The following CCDC146 variants were observed in gnomAD, a reference collection of about 807,000 sequenced individuals.
CCDC146 encodes coiled-coil domain-containing protein 146.
CCDC146 carries 92 observed loss-of-function variants against 119.3 expected under a neutral mutation model. The ratio of observed to expected loss-of-function variants is 0.77; its 90% CI spans 0.65 to 0.92. CCDC146 has a LOEUF of 0.92. Among genes scored for constraint, CCDC146 ranks in the 40% least tolerant of loss-of-function variants. The pLI is 0.00. For missense variants in CCDC146, 1,000 were observed against 1,103.0 expected (o/e 0.91, Z 1.32); for synonymous variants, 372 against 371.8 (o/e 1.00, Z -0.01).
At chr7:77,163,567 G>C (rs1358982892) in intron 1 of CCDC146, among the ~76,000 whole-genome samples, 2 of 152,154 alleles carry the variant, frequency 1.3e-5, no homozygotes, top group Middle Eastern at 3.2e-3. Context: ...AGGAAATTGA[G>C]TAACCTATGG....
At chr7:77,180,101 C>T (rs972116079) in intron 2 of CCDC146, among the ~76,000 whole-genome samples, 5 of 151,538 alleles carry the variant, frequency 3.3e-5, no homozygotes, top group African/African-American at 1.2e-4. Flanking sequence ...TATATATGCA[C>T]CCATATGTAT....
intron 1 of CCDC146, among the ~76,000 whole-genome samples, chr7:77,141,790 G>A (rs2117418822): frequency 6.6e-6 from 1 of 152,186 alleles, no homozygotes; most frequent in African/African-American, 2.4e-5. Context: ...ATTTGTTTAA[G>A]TTCCTTGTAG....
intron 1 of CCDC146, among the ~76,000 whole-genome samples, chr7:77,164,204 C>G (rs1791307332): frequency 1.3e-5 from 2 of 151,832 alleles, no homozygotes; most frequent in Non-Finnish European, 2.9e-5. Context: ...AAGATATAGC[C>G]TAATGTTCTG....
Position 77,259,057 on chromosome 7 carries a change from A to G in CCDC146, c.747A>G (p.Thr249=). The stretch of plus-strand genomic sequence containing the variant: ...TTGGAAAAGAGATAGAAAAAATAAC[A>G]CGCAAAAAAGTGTATGATTTAATAT... ...VQIGKEIEKI[T]RKKVEMEKKK... Residue 249 remains threonine (T), a synonymous_variant, in exon 7 of 19, where the codon ACA becomes ACG. Coordinates refer to ENST00000285871, the MANE Select transcript of CCDC146 (RefSeq NM_020879.3). 1.2e-6 allele frequency: 2 copies of G among 1,604,324 alleles called. No homozygotes were observed. Among genetic ancestry groups the G allele is most frequent in the Non-Finnish European group, 1.7e-6 (2 of 1,171,934 alleles).
At chr7:77,289,340 C>T (rs1341085327) in intron 17 of CCDC146, among the ~76,000 whole-genome samples, 3 of 152,162 alleles carry the variant, frequency 2.0e-5, no homozygotes, top group Non-Finnish European at 4.4e-5. Context: ...AGGAAAGCTC[C>T]AGCACAGCCG....
At chr7:77,273,939 T>C in intron 10 of CCDC146, 150 bp downstream of exon 10, 1 of 469,680 alleles carries the variant, frequency 2.1e-6, no homozygotes, top group East Asian at 3.2e-5. Context: ...CATCTCAAAG[T>C]CCACTCCAAT....
chr7:77,287,469 G>C lies in CCDC146; in HGVS notation c.2307G>C (p.Glu769Asp), dbSNP rs1187091866. ...KLELQLAKKEEKLLEKDFIYE... is the reference protein window; with the variant it reads ...KLELQLAKKEDKLLEKDFIYE... ...AACTACAACTGGCCAAGAAGGAGGAGAAGCTGCTGGAGAAGGATTTCATCT... is the reference window on the plus strand; with the variant it reads ...AACTACAACTGGCCAAGAAGGAGGACAAGCTGCTGGAGAAGGATTTCATCT... Residue 769 changes from glutamate (E) to aspartate (D), a missense_variant, in exon 17 of 19, where the codon GAG becomes GAC. Physicochemically the swap from Glu to Asp is conservative, Grantham distance 45 (BLOSUM62 2). Around this residue, in one of 2 missense-constraint regions of CCDC146, gnomAD observed 985 missense variants for 1,045.3 expected, o/e 0.94. Transcript: ENST00000285871. 6.2e-7 allele frequency: 1 copy of C among 1,614,088 alleles called. No individual in the cohort carries two copies. Among genetic ancestry groups the C allele is most frequent in the South Asian group, 1.1e-5 (1 of 91,078 alleles).
chr7:77,150,435 G>T (rs1047590272), intron 1 of CCDC146, among the ~76,000 whole-genome samples: 3 of 152,024 alleles, frequency 2.0e-5, no homozygotes, highest in African/African-American at 4.8e-5. Context: ...TATATAAATG[G>T]CAAAAAGAAG....
At chr7:77,179,803 C>T (rs1791555244) in intron 2 of CCDC146, among the ~76,000 whole-genome samples, 1 of 152,162 alleles carries the variant, frequency 6.6e-6, no homozygotes, top group African/African-American at 2.4e-5. Flanking sequence ...TTCAACTAAT[C>T]TCTAGAACTT....
intron 2 of CCDC146, among the ~76,000 whole-genome samples, chr7:77,187,375 A>G (rs563929595): frequency 4.9e-4 from 75 of 152,288 alleles, no homozygotes; most frequent in African/African-American, 1.7e-3. Context: ...CATTTAGCAC[A>G]AGTGACTCCA....
rs559827499 is a variant in CCDC146 at position 77,237,142 on chromosome 7, GC to G, written c.239+114del. 284 of 827,602 alleles carry G rather than the reference GC, an allele frequency of 3.4e-4. No individual in the cohort carries two copies. In the African/African-American group the frequency reaches 3.7e-3, roughly 11 times the overall value. 51.3% of individuals were successfully genotyped at this position (827,602 alleles called of 1,614,324 possible). ...TAAGCAGACCCTGAGGCAAGGATTT[GC>G]GTTCAGGGAGTTTGAGAAGTGGTAC... On this transcript the variant is annotated intron_variant, in intron 3 of 18. Transcript: ENST00000285871.
intron 2 of CCDC146, among the ~76,000 whole-genome samples, chr7:77,209,692 A>G (rs916797427): frequency 5.9e-5 from 9 of 152,208 alleles, no homozygotes; most frequent in African/African-American, 2.2e-4. Flanking sequence ...TTCTGCCTGG[A>G]CATCCGGGCA....
intron 1 of CCDC146, among the ~76,000 whole-genome samples, chr7:77,132,771 TAAAC>T (rs200247134): frequency 0.056 from 8,458 of 151,788 alleles, 315 homozygotes; most frequent in Non-Finnish European, 0.081. Flanking sequence ...AATAAATAAA[TAAAC>T]AAATAAAATT....
intron 4 of CCDC146, among the ~76,000 whole-genome samples, chr7:77,253,077 T>C (rs769096468): frequency 6.6e-6 from 1 of 152,236 alleles, no homozygotes; most frequent in African/African-American, 2.4e-5. Flanking sequence ...AATGACAGGA[T>C]AGAAGTGTAG....
intron 1 of CCDC146, among the ~76,000 whole-genome samples, chr7:77,163,631 C>T (rs1190715062): frequency 2.0e-5 from 3 of 152,014 alleles, no homozygotes; most frequent in Non-Finnish European, 4.4e-5. Flanking sequence ...AGATCTATCT[C>T]TGTATATTCC....
At chr7:77,142,941 G>T (rs1790958591) in intron 1 of CCDC146, among the ~76,000 whole-genome samples, 1 of 151,762 alleles carries the variant, frequency 6.6e-6, no homozygotes, top group Non-Finnish European at 1.5e-5. Context: ...GTAATGGGAT[G>T]GCTGGGTCAA....
At chr7:77,128,638 T>A (rs1790741097) in intron 1 of CCDC146, among the ~76,000 whole-genome samples, 1 of 151,572 alleles carries the variant, frequency 6.6e-6, no homozygotes, top group Non-Finnish European at 1.5e-5. Flanking sequence ...AAATCCCGAT[T>A]TTTTTCTTTC....
intron 2 of CCDC146, among the ~76,000 whole-genome samples, chr7:77,189,380 T>G (rs1468099432): frequency 4.6e-5 from 7 of 152,326 alleles, no homozygotes; most frequent in Non-Finnish European, 4.4e-5. Context: ...TAGATGTATC[T>G]CACTGCAACT....
chr7:77,221,718 C>T (rs562594423), intron 2 of CCDC146, among the ~76,000 whole-genome samples: 17 of 152,270 alleles, frequency 1.1e-4, no homozygotes, highest in African/African-American at 3.9e-4. Context: ...AGCATGATTT[C>T]AACACATAAA....
Sources: gnomAD v4.1 joint callset for allele counts (sites outside exome capture counted in the v4.1 genomes callset) on GRCh38, gnomAD v4.1.1 for gene constraint, gnomAD v4.1.1 regional missense constraint, MANE v1.5 for transcripts, NCBI Gene and HGNC (gene_info 2026-07-23, HGNC 2026-07-21) for gene names.